CAMSAP1: variants seen among roughly 807,000 people sequenced by gnomAD.
The protein encoded by CAMSAP1 is calmodulin-regulated spectrin-associated protein 1.
A neutral mutation model predicts 143.5 loss-of-function variants in CAMSAP1; 58 were observed. That is an observed-to-expected ratio of 0.40 (90% CI 0.33 to 0.50). The LOEUF (loss-of-function observed/expected upper bound fraction) is 0.50, where lower values mean the gene tolerates loss of function less well. Among genes scored for constraint, CAMSAP1 ranks in the 20% least tolerant of loss-of-function variants. The pLI is 0.45. For synonymous variants in CAMSAP1, 945 were observed against 859.3 expected (o/e 1.10, Z -1.74); for missense variants, 1,969 against 2,115.7 (o/e 0.93, Z 1.36).
At chr9:135,886,679 C>G (rs373767952) in intron 1 of CAMSAP1, among the ~76,000 whole-genome samples, 1 of 152,164 alleles carries the variant, frequency 6.6e-6, no homozygotes, top group Non-Finnish European at 1.5e-5. Context: ...GGGGGTCAGA[C>G]AAGCCAGAGG....
chr9:135,895,347 T>C (rs1214462047), intron 1 of CAMSAP1, among the ~76,000 whole-genome samples: 1 of 152,160 alleles, frequency 6.6e-6, no homozygotes, highest in Non-Finnish European at 1.5e-5. Flanking sequence ...CAAAGGGGAA[T>C]GGTACGATAC....
intron 5 of CAMSAP1, 94 bp downstream of exon 5, chr9:135,862,372 TC>T: frequency 1.5e-6 from 2 of 1,326,496 alleles, no homozygotes; most frequent in Non-Finnish European, 2.0e-6. Context: ...ATTTTCTTTC[TC>T]TTTTTTTTTT....
At chr9:135,815,055 T>G in intron 16 of CAMSAP1, 42 bp downstream of exon 16, 1 of 1,390,958 alleles carries the variant, frequency 7.2e-7, no homozygotes, top group Non-Finnish European at 1.0e-6. Context: ...TATAAACACT[T>G]TTTATTCCAC....
chr9:135,866,481 A>G lies in CAMSAP1; in HGVS notation c.641T>C (p.Leu214Ser). The change falls in exon 4 of 17, where the codon TTA becomes TCA. Residue 214 changes from leucine to serine, a missense_variant. Coordinates refer to ENST00000389532, the MANE Select transcript of CAMSAP1 (RefSeq NM_015447.4). ...TEKEVKLKQQ[L>S]LESPAHQKVR... ...CTTTTGATGAGCTGGACTTTCCAAT[A>G]ACTGTTGTTTTAATTTAACTTCTTT... 6.8e-7 allele frequency: 1 copy of G among 1,476,402 alleles called. No individual in the cohort carries two copies. Among genetic ancestry groups the G allele is most frequent in the Non-Finnish European group, 9.3e-7 (1 of 1,078,668 alleles). 91.5% of individuals were successfully genotyped at this position (1,476,402 alleles called of 1,614,324 possible).
chr9:135,836,495 C>A (rs963432738), intron 7 of CAMSAP1: 5 of 984,078 alleles, frequency 5.1e-6, no homozygotes, highest in Non-Finnish European at 6.0e-6. Flanking sequence ...TCTACAGACA[C>A]ACATCACCAC....
chr9:135,832,738 T>G (rs1427372446), intron 7 of CAMSAP1, among the ~76,000 whole-genome samples: 1 of 150,820 alleles, frequency 6.6e-6, no homozygotes. Flanking sequence ...TTCTATACAC[T>G]AACAATTAAT....
At chr9:135,880,294 G>A (rs1244606052) in intron 3 of CAMSAP1, among the ~76,000 whole-genome samples, 1 of 152,102 alleles carries the variant, frequency 6.6e-6, no homozygotes, top group East Asian at 1.9e-4. Context: ...GCCGCCAGGT[G>A]AGAGCCAGGG....
chr9:135,818,859 G>T lies in CAMSAP1; in HGVS notation c.3959+151C>A, dbSNP rs1835337278. On this transcript the variant is annotated intron_variant, in intron 12 of 16. Transcript: ENST00000389532. The surrounding 1 kb of genome is among the most constrained non-coding windows in gnomAD (Gnocchi z 7.7). ...CTCACTGAAGATCAGCAGGGGCCGTGAAAGTTCGGGGAGGTGGTCCATGGG... is the reference window on the plus strand; with the variant it reads ...CTCACTGAAGATCAGCAGGGGCCGTTAAAGTTCGGGGAGGTGGTCCATGGG... 1 of 1,323,004 alleles carries T rather than the reference G, an allele frequency of 7.6e-7. No homozygotes were observed. The highest frequency in any genetic ancestry group is 1.0e-6 in the Non-Finnish European group (1 of 979,810). The allele number at this position is 1,323,004 out of a possible 1,614,324, so 82.0% of individuals were successfully genotyped here. A position where few individuals can be genotyped will look rare whatever the true frequency, so the allele number is the denominator to read the frequency against.
chr9:135,849,859 T>A, intron 7 of CAMSAP1: 1 of 289,732 alleles, frequency 3.5e-6, no homozygotes, highest in Non-Finnish European at 6.4e-6. Context: ...AGTAAACATT[T>A]TTTTTTTTTC....
At chr9:135,868,435 A>G (rs921168999) in intron 3 of CAMSAP1, among the ~76,000 whole-genome samples, 1 of 149,916 alleles carries the variant, frequency 6.7e-6, no homozygotes, top group Non-Finnish European at 1.5e-5. Context: ...TCTCAAAACC[A>G]AAGAAGTGTT....
At chr9:135,833,482 C>T (rs1225827253) in intron 7 of CAMSAP1, among the ~76,000 whole-genome samples, 2 of 152,122 alleles carry the variant, frequency 1.3e-5, no homozygotes, top group Non-Finnish European at 2.9e-5. Flanking sequence ...GGCATAAAAA[C>T]AGACACAAGC....
chr9:135,875,529 A>T (rs932367447), intron 3 of CAMSAP1, among the ~76,000 whole-genome samples: 1 of 152,160 alleles, frequency 6.6e-6, no homozygotes, highest in African/African-American at 2.4e-5. Flanking sequence ...TTATTTTTTA[A>T]CACAAAGGAT....
In CAMSAP1 at chr9:135,876,104, C is replaced by T. The variant is rs189196055; in HGVS notation, c.585+5529G>A. ...CTGAGTAGCTGGGATTACAGGCGCC[C>T]GCCATCACGCCTAATTTTTGTATTT... On this transcript the variant is annotated intron_variant, in intron 3 of 16. Transcript: ENST00000389532. Among the ~76,000 whole-genome samples the T allele has an allele frequency of 2.2e-4, 34 of 152,228 alleles. 1 individual carries two copies. The highest frequency in any genetic ancestry group is 1.9e-3 in the Admixed American group (29 of 15,290).
At position 135,907,192 on chromosome 9, in the gene CAMSAP1, C is replaced by T; in HGVS notation, c.-33G>A. 9.4e-7 allele frequency: 1 copy of T among 1,063,782 alleles called. No homozygotes were observed. 65.9% of individuals were successfully genotyped at this position (1,063,782 alleles called of 1,614,324 possible). On this transcript the variant is annotated 5_prime_UTR_variant, in exon 1 of 17. Coordinates refer to ENST00000389532, the MANE Select transcript of CAMSAP1 (RefSeq NM_015447.4). ...CAAAGGGCTGAGGCGGCGGCCCGGC[C>T]GCAACAAAGGCGCCGCCGCCCCTCG... is the stretch of plus-strand genomic sequence containing the variant.
At position 135,818,076 on chromosome 9, in the gene CAMSAP1, T is replaced by A. The variant is rs776816925; in HGVS notation, c.4172A>T (p.Asp1391Val). 2 of 1,613,656 alleles carry A rather than the reference T, an allele frequency of 1.2e-6. No individual in the cohort carries two copies. The highest frequency in any genetic ancestry group is 1.7e-6 in the Non-Finnish European group (2 of 1,179,836). The change falls in exon 14 of 17, where the codon GAT becomes GTT. Residue 1391 changes from aspartate to valine, a missense_variant. This residue lies in a region of CAMSAP1 where 1,390 missense variants were observed against 1,420.8 expected (regional missense o/e 0.98). Transcript: ENST00000389532. The surrounding 1 kb of genome is among the most constrained non-coding windows in gnomAD (Gnocchi z 7.7). Reference sequence around the variant, plus strand: ...GCCTGACTGAGTCCGGCTCAAGTTATCAGCTGCCAGAGACAGAAACAGACG... The same window carrying A: ...GCCTGACTGAGTCCGGCTCAAGTTAACAGCTGCCAGAGACAGAAACAGACG... ...DSGTKCSSTP[D>V]NLSRTQSGSS...
rs371835967 is a variant in CAMSAP1 at position 135,850,391 on chromosome 9, G to A, written c.879C>T (p.Ser293=). The part of the protein sequence containing the change: ...LYNIRLLREF[S]NEYLNKCFYL... ...AAAAACATTTATTAAGATATTCATTGGAGAATTCTCTCAGAAGCCGAATAT... is the reference window on the plus strand; with the variant it reads ...AAAAACATTTATTAAGATATTCATTAGAGAATTCTCTCAGAAGCCGAATAT... Residue 293 remains serine, a synonymous_variant, in exon 6 of 17, where the codon TCC becomes TCT. Transcript: ENST00000389532. 108 of 1,611,804 alleles carry A rather than the reference G, an allele frequency of 6.7e-5. No homozygotes were observed. Among genetic ancestry groups the A allele is most frequent in the Non-Finnish European group, 8.8e-5 (104 of 1,179,238 alleles).
chr9:135,905,599 A>G (rs1396705615), intron 1 of CAMSAP1, among the ~76,000 whole-genome samples: 1 of 152,218 alleles, frequency 6.6e-6, no homozygotes, highest in Non-Finnish European at 1.5e-5. Context: ...GAAATGTGGA[A>G]AAGTGAAGAT....
chr9:135,822,257 T>C lies in CAMSAP1; in HGVS notation c.2404A>G (p.Met802Val). 9 of 1,614,008 alleles carry C rather than the reference T, an allele frequency of 5.6e-6. No homozygotes were observed. The highest frequency in any genetic ancestry group is 7.6e-6 in the Non-Finnish European group (9 of 1,179,902). ...SSPCLSTASQ[M>V]SSVSMASGSV... ...CCACTCGCCATGGAGACACTGCTCA[T>C]CTGAGAGGCTGTGCTCAGGCAGGGG... Residue 802 changes from methionine (M) to valine (V), a missense_variant, in exon 11 of 17, where the codon ATG becomes GTG. Physicochemically the swap from Met to Val is conservative, Grantham distance 21. Coordinates refer to ENST00000389532, the MANE Select transcript of CAMSAP1 (RefSeq NM_015447.4). This position sits in a 1 kb window ranked among gnomAD's most constrained non-coding sequence, Gnocchi z 6.1.
In CAMSAP1 at chr9:135,823,011, C is replaced by G. The variant is rs201856737; in HGVS notation, c.1650G>C (p.Val550=). ...EELVAIVRAD[V]VPQQADPEFP... ...ACTCCGGGTCAGCCTGCTGGGGAACCACGTCTGCTCTAACAATAGCCACAA... is the reference window on the plus strand; with the variant it reads ...ACTCCGGGTCAGCCTGCTGGGGAACGACGTCTGCTCTAACAATAGCCACAA... Residue 550 remains valine (V), a synonymous_variant, in exon 11 of 17, where the codon GTG becomes GTC. Coordinates refer to ENST00000389532, the MANE Select transcript of CAMSAP1 (RefSeq NM_015447.4). 62 of 1,613,970 alleles carry G rather than the reference C, an allele frequency of 3.8e-5. No individual in the cohort carries two copies. The East Asian group carries it at 7.4e-4, about 19-fold the overall frequency.
Sources: gnomAD v4.1 joint callset for allele counts (sites outside exome capture counted in the v4.1 genomes callset) on GRCh38, gnomAD v4.1.1 for gene constraint, gnomAD v4.1.1 regional missense constraint, Gnocchi (gnomAD v3.1) non-coding constraint, MANE v1.5 for transcripts, NCBI Gene and HGNC (gene_info 2026-07-23, HGNC 2026-07-21) for gene names.